Variants in RIIAD1 observed in about 807,000 individuals in gnomAD.
RIIAD1 encodes regulatory subunit of type II PKA R-subunit domain containing 1, also known as RIIa domain-containing protein 1.
RIIAD1 carries 15 observed loss-of-function variants against 13.3 expected under a neutral mutation model. The ratio of observed to expected loss-of-function variants is 1.13; its 90% CI spans 0.76 to 1.74. The LOEUF (loss-of-function observed/expected upper bound fraction) is 1.74, where lower values mean the gene tolerates loss of function less well. Ranked by LOEUF, RIIAD1 falls within the 40% of genes most tolerant of loss-of-function variation. RIIAD1 has a pLI of 0.00. For synonymous variants in RIIAD1, 50 were observed against 43.3 expected (o/e 1.16, Z -0.61); for missense variants, 121 against 112.2 (o/e 1.08, Z -0.35).
At position 151,714,850 on chromosome 1, in the gene RIIAD1, G is replaced by A. The variant is rs567094229; in HGVS notation, c.21+321G>A. Among the ~76,000 whole-genome samples, 3 of 152,204 alleles carry A rather than the reference G, an allele frequency of 2.0e-5. No individual in the cohort carries two copies. The East Asian group carries it at 5.8e-4, about 29-fold the overall frequency. ...GTAGACTCTCTGCCCCAGAAGTGGG[G>A]CAGACACCTGGAGGCCTAAATACTG... is the stretch of plus-strand genomic sequence containing the variant. On this transcript the variant is annotated intron_variant, in intron 4 of 8. Coordinates refer to the RIIAD1 transcript ENST00000326413.
At chr1:151,715,633 T>C (rs978896464) in intron 4 of RIIAD1, 14 of 1,487,306 alleles carry the variant, frequency 9.4e-6, no homozygotes, top group Non-Finnish European at 1.3e-5. Flanking sequence ...ATGTCTGGGA[T>C]CCACATCTTT....
At chr1:151,716,009 C>G (rs781166346) in intron 4 of RIIAD1, 1 of 1,612,342 alleles carries the variant, frequency 6.2e-7, no homozygotes, top group Non-Finnish European at 8.5e-7. Flanking sequence ...TGATGGCATC[C>G]GGCTCCTTCA....
intron 3 of RIIAD1, 89 bp from the exon 4 acceptor site, chr1:151,728,677 A>G (rs1647233080): frequency 2.6e-6 from 2 of 776,402 alleles, no homozygotes; most frequent in South Asian, 2.9e-5. Flanking sequence ...AGCCATCCTA[A>G]CTTTTTGGTG....
intron 2 of RIIAD1, among the ~76,000 whole-genome samples, 157 bp downstream of exon 2, chr1:151,722,319 G>C (rs764803658): frequency 2.0e-5 from 3 of 152,214 alleles, no homozygotes; most frequent in Non-Finnish European, 4.4e-5. Context: ...TTGGAAGAGG[G>C]AATTTGGCGT....
chr1:151,720,880 T>C (rs1673723381), upstream of RIIAD1, among the ~76,000 whole-genome samples: 1 of 152,156 alleles, frequency 6.6e-6, no homozygotes, highest in African/African-American at 2.4e-5. Flanking sequence ...CCCTTTCTCC[T>C]CCCGTATTCA....
At chr1:151,716,764 G>A (rs1373422014), upstream of RIIAD1, 1 of 455,778 alleles carries the variant, frequency 2.2e-6, no homozygotes, top group Admixed American at 2.5e-5. Context: ...CCTGGGTCCC[G>A]GAGCTCTGCT....
At chr1:151,714,292 A>G in intron 3 of RIIAD1, 1 of 577,112 alleles carries the variant, frequency 1.7e-6, no homozygotes, top group Non-Finnish European at 3.1e-6. Flanking sequence ...TTTTCCCCAC[A>G]CCTTCCAACC....
chr1:151,725,667 G>A (rs1280687330), intron 2 of RIIAD1, among the ~76,000 whole-genome samples: 1 of 152,026 alleles, frequency 6.6e-6, no homozygotes. Flanking sequence ...TTTATTGTGC[G>A]CTTTTGTATT....
upstream of RIIAD1, chr1:151,721,422 A>T (rs1253024551): frequency 6.1e-6 from 3 of 490,942 alleles, no homozygotes; most frequent in Non-Finnish European, 9.7e-6. Context: ...CTCACCCCTC[A>T]GTTCCCTCAG....
intron 2 of RIIAD1, among the ~76,000 whole-genome samples, chr1:151,724,239 G>A (rs1346345991): frequency 1.3e-5 from 2 of 152,208 alleles, no homozygotes; most frequent in Non-Finnish European, 2.9e-5. Context: ...TCAAGGCCAG[G>A]TAGGCCACCA....
chr1:151,727,604 T>A lies in RIIAD1; in HGVS notation c.191T>A (p.Ile64Asn), dbSNP rs1393077800. The change falls in exon 3 of 5, where the codon ATC (isoleucine) becomes AAC (asparagine). Residue 64 changes from isoleucine to asparagine, a missense_variant. Transcript: ENST00000479191. ...ATATTTTTGAAAAGACCAGACAACA[T>A]CCTAGAATTTGCTGCAGGTGAGTAA... ...REIFLKRPDNILEFAADYFTD... is the reference protein window; with the variant it reads ...REIFLKRPDNNLEFAADYFTD... 4 of 1,550,374 alleles carry A rather than the reference T, an allele frequency of 2.6e-6. No individual in the cohort carries two copies. Among genetic ancestry groups the A allele is most frequent in the East Asian group, 2.4e-5 (1 of 40,898 alleles).
chr1:151,727,223 G>A (rs1336197616), intron 2 of RIIAD1, among the ~76,000 whole-genome samples: 1 of 152,182 alleles, frequency 6.6e-6, no homozygotes, highest in African/African-American at 2.4e-5. Flanking sequence ...TCGCGCCACT[G>A]TACTCCAGGC....
At chr1:151,722,521 AG>A (rs1673756844) in intron 2 of RIIAD1, among the ~76,000 whole-genome samples, 1 of 152,184 alleles carries the variant, frequency 6.6e-6, no homozygotes, top group Admixed American at 6.5e-5. Flanking sequence ...ACAATTTACC[AG>A]CGTATCCTGG....
At chr1:151,716,954 G>T, upstream of RIIAD1, 1 of 344,668 alleles carries the variant, frequency 2.9e-6, no homozygotes, top group Non-Finnish European at 6.2e-6. Flanking sequence ...CATCCTCCCT[G>T]ACTCCCTTCC....
upstream of RIIAD1, among the ~76,000 whole-genome samples, chr1:151,720,576 C>T (rs1299868030): frequency 6.6e-6 from 1 of 152,224 alleles, no homozygotes; most frequent in African/African-American, 2.4e-5. Flanking sequence ...AGGACAGAAG[C>T]AGACCAATGA....
chr1:151,713,452 C>T (rs1244760742), intron 2 of RIIAD1: 1 of 152,220 alleles, frequency 6.6e-6, no homozygotes, highest in Non-Finnish European at 1.5e-5. Flanking sequence ...TCCTCTGACC[C>T]CCTCTCATTT....
At chr1:151,725,591 C>CT (rs1673815905) in intron 2 of RIIAD1, among the ~76,000 whole-genome samples, 1 of 152,192 alleles carries the variant, frequency 6.6e-6, no homozygotes, top group Non-Finnish European at 1.5e-5. Flanking sequence ...ACCTCACATC[C>CT]TTTGTGCCCC....
chr1:151,721,532 G>A lies in RIIAD1; in HGVS notation c.-5G>A. 1 of 1,321,592 alleles carries A rather than the reference G, an allele frequency of 7.6e-7. No individual in the cohort carries two copies. 81.9% of individuals were successfully genotyped at this position (1,321,592 alleles called of 1,614,324 possible). On this transcript the variant is annotated 5_prime_UTR_variant, in exon 1 of 5. Transcript: ENST00000479191. ...GCGGCCGGTCGCCTTGACGACCGCA[G>A]CAAGATGGAGACGCTGCCAGGCTTG...
At chr1:151,712,495 A>G (rs1673108466) in intron 2 of RIIAD1, among the ~76,000 whole-genome samples, 1 of 152,192 alleles carries the variant, frequency 6.6e-6, no homozygotes, top group East Asian at 1.9e-4. Flanking sequence ...GCAGACCGAC[A>G]GGGAAGGCCC....
Sources: allele counts gnomAD v4.1 joint callset (sites outside exome capture counted in the v4.1 genomes callset), GRCh38; gene constraint gnomAD v4.1.1; transcripts MANE v1.5; gene names NCBI Gene and HGNC (gene_info 2026-07-23, HGNC 2026-07-21).